Variants in EIF4ENIF1 observed in about 807,000 individuals in gnomAD.
EIF4ENIF1 encodes eukaryotic translation initiation factor 4E nuclear import factor 1, also known as eukaryotic translation initiation factor 4E transporter.
A neutral mutation model predicts 110.5 loss-of-function variants in EIF4ENIF1; 23 were observed. The ratio of observed to expected loss-of-function variants is 0.21; its 90% CI spans 0.15 to 0.29. The LOEUF (loss-of-function observed/expected upper bound fraction) is 0.29. Among genes scored for constraint, EIF4ENIF1 ranks in the 10% least tolerant of loss-of-function variants. The pLI, the probability that EIF4ENIF1 is intolerant of heterozygous loss-of-function variation, is 1.00. For missense variants in EIF4ENIF1, 1,031 were observed against 1,221.1 expected (o/e 0.84, Z 2.32); for synonymous variants, 440 against 437.0 (o/e 1.01, Z -0.09).
At position 31,441,943 on chromosome 22, in the gene EIF4ENIF1, G is replaced by A; in HGVS notation, c.2382C>T (p.Thr794=). The change falls in exon 17 of 19, where the codon ACC becomes ACT. Residue 794 remains threonine, a synonymous_variant. Transcript: ENST00000330125. ...GTGTTGTAGGAACTGGGGATGCCAA[G>A]GTGGGTGTTTTTCTCCCAGTTGCTT... The part of the protein sequence containing the change: ...RPKATGRKTP[T]LASPVPTTPF... 6.2e-7 allele frequency: 1 copy of A among 1,614,198 alleles called. No homozygotes were observed. The highest frequency in any genetic ancestry group is 8.5e-7 in the Non-Finnish European group (1 of 1,180,044).
upstream of EIF4ENIF1, among the ~76,000 whole-genome samples, chr22:31,491,822 C>T (rs139498067): frequency 6.6e-6 from 1 of 152,302 alleles, no homozygotes; most frequent in African/African-American, 2.4e-5. Flanking sequence ...GGATTACAGG[C>T]ATGAGCCACC....
intron 10 of EIF4ENIF1, 123 bp downstream of exon 10, chr22:31,454,021 C>G (rs2050748167): frequency 1.2e-6 from 1 of 814,216 alleles, no homozygotes; most frequent in Non-Finnish European, 1.9e-6. Context: ...GCATCAAGGA[C>G]CAAATGACTA....
chr22:31,478,795 C>CA (rs2051693525), intron 2 of EIF4ENIF1, among the ~76,000 whole-genome samples: 1 of 151,300 alleles, frequency 6.6e-6, no homozygotes, highest in Non-Finnish European at 1.5e-5. Flanking sequence ...ATCAAAAATA[C>CA]AAAAAAATTA....
At chr22:31,464,495 T>C (rs2051104511) in intron 4 of EIF4ENIF1, among the ~76,000 whole-genome samples, 1 of 150,770 alleles carries the variant, frequency 6.6e-6, no homozygotes, top group African/African-American at 2.4e-5. Context: ...CTGGCCAAGA[T>C]GGTGAAACCC....
Position 31,454,198 on chromosome 22 carries a change from C to T in EIF4ENIF1, c.1458G>A (p.Lys486=). Residue 486 remains lysine (K), a synonymous_variant, in exon 10 of 19, where the codon AAG becomes AAA. Transcript: ENST00000330125. Reference sequence around the variant, plus strand: ...CACTTGCCTTCATTGTGCTCACTAGCTTGTTGAACGCAGTCATGTCTCCGT... The same window carrying T: ...CACTTGCCTTCATTGTGCTCACTAGTTTGTTGAACGCAGTCATGTCTCCGT... ...KKDGDMTAFN[K]LVSTMKASGT... is the part of the protein sequence containing the mutation. 6.2e-7 allele frequency: 1 copy of T among 1,614,174 alleles called. No individual in the cohort carries two copies. The highest frequency in any genetic ancestry group is 2.2e-5 in the East Asian group (1 of 44,884).
intron 15 of EIF4ENIF1, among the ~76,000 whole-genome samples, chr22:31,443,733 A>T (rs575688167): frequency 6.6e-6 from 1 of 151,654 alleles, no homozygotes; most frequent in African/African-American, 2.4e-5. Context: ...TGAAGCACGC[A>T]GCAAAGTTAT....
chr22:31,484,014 T>G (rs2051926049), intron 2 of EIF4ENIF1, among the ~76,000 whole-genome samples: 1 of 152,158 alleles, frequency 6.6e-6, no homozygotes. Context: ...CGAAGCACAA[T>G]GAACATCATC....
At chr22:31,450,441 TA>T in intron 10 of EIF4ENIF1, 81 bp from the exon 11 acceptor site, 1 of 1,126,742 alleles carries the variant, frequency 8.9e-7, no homozygotes, top group Non-Finnish European at 1.3e-6. Context: ...CAAGAAAGCA[TA>T]AAATACTCCT....
chr22:31,480,458 T>G lies in EIF4ENIF1; in HGVS notation c.96+8165A>C, dbSNP rs376008570. On this transcript the variant is annotated intron_variant, in intron 2 of 18. Transcript: ENST00000330125. ...TAAGTCACATTTATGGAAGGGGGATTAAAAGGGAAATATTCCTGGGCGGGC... is the reference window on the plus strand; with the variant it reads ...TAAGTCACATTTATGGAAGGGGGATGAAAAGGGAAATATTCCTGGGCGGGC... 3.3e-4 allele frequency among the ~76,000 whole-genome samples: 50 copies of G among 152,310 alleles called. 3 individuals are homozygous for G. In the South Asian group the frequency reaches 0.01, roughly 32 times the overall value.
At chr22:31,461,369 C>A (rs767074723) in intron 6 of EIF4ENIF1, among the ~76,000 whole-genome samples, 9 of 152,194 alleles carry the variant, frequency 5.9e-5, no homozygotes, top group Non-Finnish European at 1.3e-4. Context: ...GTACTTCACA[C>A]ACATTAGCTC....
Position 31,488,694 on chromosome 22 carries a change from T to G in EIF4ENIF1, c.25A>C (p.Thr9Pro). 1 of 1,614,068 alleles carries G rather than the reference T, an allele frequency of 6.2e-7. No individual in the cohort carries two copies. Among genetic ancestry groups the G allele is most frequent in the Non-Finnish European group, 8.5e-7 (1 of 1,180,006 alleles). ...TCAAGGAAAGCATCTCCACTTTCTG[T>G]TTCACCCATACTTCTCCTATCCATG... Reference protein sequence around the residue: MDRRSMGETESGDAFLDLK... With the variant: MDRRSMGEPESGDAFLDLK... The change falls in exon 2 of 19, where the codon ACA becomes CCA. Residue 9 changes from threonine to proline, a missense_variant. Thr to Pro is a conservative substitution (Grantham distance 38). Around this residue, in one of 3 missense-constraint regions of EIF4ENIF1, gnomAD observed 704 missense variants for 879.7 expected, o/e 0.80. Transcript: ENST00000330125.
intron 7 of EIF4ENIF1, among the ~76,000 whole-genome samples, chr22:31,456,432 C>T (rs1001942768): frequency 1.3e-5 from 2 of 151,850 alleles, no homozygotes; most frequent in Non-Finnish European, 1.5e-5. Context: ...ACCGTGTTAG[C>T]CAGGATGGTC....
Position 31,444,669 on chromosome 22 carries a change from T to C in EIF4ENIF1, c.2010A>G (p.Ser670=). ...FRNRQQRVTK[S]PAPVHRGNSS... is the part of the protein sequence containing the mutation. Reference sequence around the variant, plus strand: ...AATTCCCTCGATGCACGGGTGCTGGTGACTTGGTCACTCGCTGTTGCCTGT... The same window carrying C: ...AATTCCCTCGATGCACGGGTGCTGGCGACTTGGTCACTCGCTGTTGCCTGT... The change falls in exon 15 of 19, where the codon TCA becomes TCG. Residue 670 remains serine (S), a synonymous_variant. Transcript: ENST00000330125. 1 of 1,614,120 alleles carries C rather than the reference T, an allele frequency of 6.2e-7. No individual in the cohort carries two copies.
chr22:31,472,696 TAC>T (rs2051425356), intron 2 of EIF4ENIF1, among the ~76,000 whole-genome samples: 2 of 152,218 alleles, frequency 1.3e-5, no homozygotes, highest in Non-Finnish European at 2.9e-5. Context: ...AAAAAATTGA[TAC>T]AGACATTTGT....
chr22:31,477,118 C>CAA (rs549095127), intron 2 of EIF4ENIF1, among the ~76,000 whole-genome samples: 1 of 143,398 alleles, frequency 7.0e-6, no homozygotes, highest in Non-Finnish European at 1.5e-5. Context: ...AAACCTGTCT[C>CAA]AAAAAAAAAA....
chr22:31,442,226 A>AC (rs1355449516), intron 16 of EIF4ENIF1, 108 bp from the exon 17 acceptor site: 55 of 868,198 alleles, frequency 6.3e-5, no homozygotes, highest in Non-Finnish European at 9.9e-5. Flanking sequence ...CTTATCTGAT[A>AC]CCCTTAACAA....
At chr22:31,452,137 C>G (rs1050954203) in intron 10 of EIF4ENIF1, among the ~76,000 whole-genome samples, 7 of 152,070 alleles carry the variant, frequency 4.6e-5, no homozygotes, top group Non-Finnish European at 1.0e-4. Context: ...TAGATTGAAC[C>G]AGCATGTATT....
intron 6 of EIF4ENIF1, 105 bp from the exon 7 acceptor site, chr22:31,458,755 A>G (rs1050640921): frequency 1.4e-5 from 15 of 1,067,186 alleles, no homozygotes; most frequent in Non-Finnish European, 1.8e-5. Flanking sequence ...CACATGACTT[A>G]AAAAGCAGAC....
In EIF4ENIF1 at chr22:31,440,063, A is replaced by C. The variant is rs1360841063; in HGVS notation, c.2775T>G (p.Pro925=). The C allele has an allele frequency of 6.2e-7, 1 of 1,614,052 alleles. No homozygotes were observed. The highest frequency in any genetic ancestry group is 8.5e-7 in the Non-Finnish European group (1 of 1,179,984). ...GGCCTGACCGGCTGGGCACGTTCTG[A>C]GGGGTTGTCTGAACGCTGACAGCTG... ...HAAAVSVQTT[P]QNVPSRSGLP... Residue 925 remains proline, a synonymous_variant, in exon 19 of 19, where the codon CCT becomes CCG. Coordinates refer to ENST00000330125, the MANE Select transcript of EIF4ENIF1 (RefSeq NM_019843.4).
Sources: allele counts gnomAD v4.1 joint callset (sites outside exome capture counted in the v4.1 genomes callset), GRCh38; gene constraint gnomAD v4.1.1; regional missense constraint gnomAD v4.1.1; transcripts MANE v1.5; gene names NCBI Gene and HGNC (gene_info 2026-07-23, HGNC 2026-07-21).